Variants in WWTR1 observed in about 807,000 individuals in gnomAD.
The protein encoded by WWTR1 is WW domain containing transcription regulator 1.
WWTR1 carries 13 observed loss-of-function variants against 40.1 expected under a neutral mutation model. The ratio of observed to expected loss-of-function variants is 0.32; its 90% CI spans 0.21 to 0.52. WWTR1 has a LOEUF of 0.52. WWTR1 is among the 20% of genes least tolerant of loss of function. The pLI, the probability that WWTR1 is intolerant of heterozygous loss-of-function variation, is 0.97. For missense variants in WWTR1, 436 were observed against 523.1 expected (o/e 0.83, Z 1.63); for synonymous variants, 230 against 210.1 (o/e 1.09, Z -0.82).
chr3:149,556,690 A>G (rs1736841797), intron 3 of WWTR1, among the ~76,000 whole-genome samples: 1 of 152,136 alleles, frequency 6.6e-6, no homozygotes, highest in African/African-American at 2.4e-5. Flanking sequence ...TTTGGGAAGG[A>G]AAGGAATAAG....
intron 2 of WWTR1, among the ~76,000 whole-genome samples, chr3:149,646,239 T>C (rs1482375366): frequency 3.3e-5 from 5 of 152,218 alleles, no homozygotes; most frequent in African/African-American, 1.2e-4. Context: ...ATAAACAGAT[T>C]ACTGCTTCTC....
Position 149,517,879 on chromosome 3 carries a change from C to A in WWTR1, c.*2926G>T, listed in dbSNP as rs1428321614. 2.0e-5 allele frequency: 3 copies of A among 151,996 alleles called. No individual in the cohort carries two copies. Among genetic ancestry groups the A allele is most frequent in the East Asian group, 3.9e-4 (2 of 5,194 alleles). 9.4% of individuals were successfully genotyped at this position (151,996 alleles called of 1,614,324 possible). On this transcript the variant is annotated 3_prime_UTR_variant, in exon 7 of 7. Transcript: ENST00000360632. Reference sequence around the variant, plus strand: ...CTGAAATTATTTTTCATTTGATACGCCTTTTCTGTGACAAAATTTTGGGGT... The same window carrying A: ...CTGAAATTATTTTTCATTTGATACGACTTTTCTGTGACAAAATTTTGGGGT...
At chr3:149,653,804 C>T (rs1229849865) in intron 2 of WWTR1, among the ~76,000 whole-genome samples, 1 of 152,126 alleles carries the variant, frequency 6.6e-6, no homozygotes, top group Non-Finnish European at 1.5e-5. Context: ...GAGGTCCAGT[C>T]CAGGGTCCAC....
rs1330547066 is a variant in WWTR1, at chr3:149,657,272, G to A, written c.35C>T (p.Pro12Leu). ...GACGTGGATCACTTGCTGCCCAGGC[G>A]GCGGGAGCGGAGGGGGCGCCGAGGC... is the stretch of plus-strand genomic sequence containing the variant. ...NPASAPPPLP[P>L]PGQQVIHVTQ... Residue 12 changes from proline to leucine, a missense_variant, in exon 2 of 7, where the codon CCG becomes CTG. Transcript: ENST00000360632. The A allele has an allele frequency of 6.2e-7, 1 of 1,612,896 alleles. No homozygotes were observed. The highest frequency in any genetic ancestry group is 1.1e-5 in the South Asian group (1 of 90,722).
intron 1 of WWTR1, among the ~76,000 whole-genome samples, chr3:149,691,866 A>G (rs1714836930): frequency 6.6e-6 from 1 of 151,890 alleles, no homozygotes. Flanking sequence ...AATACAAAAA[A>G]TTAGCCGGGC....
intron 2 of WWTR1, among the ~76,000 whole-genome samples, chr3:149,622,485 G>A (rs1560089614): frequency 1.0e-4 from 13 of 130,202 alleles, no homozygotes; most frequent in African/African-American, 3.8e-4. Context: ...AAGGAAGGAA[G>A]GAAGGAAGGA....
intron 1 of WWTR1, among the ~76,000 whole-genome samples, chr3:149,691,791 T>A (rs112579324): frequency 1.3e-5 from 2 of 151,828 alleles, no homozygotes; most frequent in African/African-American, 2.4e-5. Context: ...CCGAGGTGGG[T>A]GGATCACGAG....
At chr3:149,536,765 A>AG (rs1373996267) in intron 4 of WWTR1, among the ~76,000 whole-genome samples, 77 of 152,118 alleles carry the variant, frequency 5.1e-4, no homozygotes, top group African/African-American at 1.8e-3. Context: ...TAAAAAAAAA[A>AG]AAAAAAAGAA....
chr3:149,649,615 C>G (rs1712730628), intron 2 of WWTR1, among the ~76,000 whole-genome samples: 1 of 152,104 alleles, frequency 6.6e-6, no homozygotes, highest in Non-Finnish European at 1.5e-5. Flanking sequence ...AAAGAATAAG[C>G]TGAAAGAAAT....
chr3:149,605,269 G>C (rs957406482), intron 2 of WWTR1, among the ~76,000 whole-genome samples: 1 of 152,182 alleles, frequency 6.6e-6, no homozygotes, highest in Non-Finnish European at 1.5e-5. Context: ...CACAGCATGA[G>C]AGTGGATCAG....
chr3:149,699,208 G>A (rs561152964), intron 1 of WWTR1, among the ~76,000 whole-genome samples: 2 of 151,830 alleles, frequency 1.3e-5, no homozygotes, highest in Admixed American at 6.6e-5. Context: ...GCATCTGATT[G>A]TGGGTGATTA....
chr3:149,585,269 A>T (rs1360897365), intron 2 of WWTR1, among the ~76,000 whole-genome samples: 3 of 152,076 alleles, frequency 2.0e-5, no homozygotes, highest in Non-Finnish European at 4.4e-5. Flanking sequence ...AGTAGCTGGC[A>T]CTACAGGCAT....
chr3:149,535,442 A>C (rs1735782243), intron 4 of WWTR1, among the ~76,000 whole-genome samples: 1 of 152,090 alleles, frequency 6.6e-6, no homozygotes, highest in African/African-American at 2.4e-5. Context: ...TCTAAAATGC[A>C]CTGTCACACT....
intron 4 of WWTR1, among the ~76,000 whole-genome samples, chr3:149,534,569 G>A (rs548841855): frequency 3.8e-4 from 58 of 152,286 alleles, no homozygotes; most frequent in African/African-American, 1.2e-3. Context: ...AGTTTTCAAC[G>A]TATATGAGTG....
At chr3:149,585,453 T>C (rs1451951275) in intron 2 of WWTR1, among the ~76,000 whole-genome samples, 1 of 152,192 alleles carries the variant, frequency 6.6e-6, no homozygotes, top group Non-Finnish European at 1.5e-5. Flanking sequence ...TGATTTCATA[T>C]AGTCGAGTAG....
intron 5 of WWTR1, among the ~76,000 whole-genome samples, chr3:149,711,688 TCAG>T (rs1330969122): frequency 6.6e-6 from 1 of 152,224 alleles, no homozygotes; most frequent in Non-Finnish European, 1.5e-5. Flanking sequence ...ACCTATTTTA[TCAG>T]CAGATTCAAT....
chr3:149,605,060 A>G (rs1313419239), intron 2 of WWTR1, among the ~76,000 whole-genome samples: 1 of 152,238 alleles, frequency 6.6e-6, no homozygotes. Flanking sequence ...CAGAAGGAGC[A>G]GCACTAAAGG....
intron 1 of WWTR1, 161 bp downstream of exon 1, chr3:149,657,604 C>T (rs1179018294): frequency 2.8e-6 from 1 of 353,206 alleles, no homozygotes; most frequent in Non-Finnish European, 5.2e-6. Flanking sequence ...GCTTGCTGAA[C>T]CGCAGGATGG....
chr3:149,638,911 G>A (rs112680709), intron 2 of WWTR1, among the ~76,000 whole-genome samples: 3 of 152,124 alleles, frequency 2.0e-5, no homozygotes, highest in Admixed American at 6.6e-5. Flanking sequence ...AATCAAAGCC[G>A]TCACTCTACC....
Sources: allele counts gnomAD v4.1 joint callset (sites outside exome capture counted in the v4.1 genomes callset), GRCh38; gene constraint gnomAD v4.1.1; transcripts MANE v1.5; gene names NCBI Gene and HGNC (gene_info 2026-07-23, HGNC 2026-07-21).